The following TFDP2 variants were observed in gnomAD, a reference collection of about 807,000 sequenced individuals.
The protein encoded by TFDP2 is transcription factor Dp-2, also known as transcription factor Dp-2 (E2F dimerization partner 2).
TFDP2 carries 17 observed loss-of-function variants against 59.3 expected under a neutral mutation model. The ratio of observed to expected loss-of-function variants is 0.29; its 90% CI spans 0.20 to 0.43. The LOEUF is 0.43. TFDP2 is among the 20% of genes least tolerant of loss of function. The pLI is 1.00. For synonymous variants in TFDP2, 180 were observed against 194.7 expected (o/e 0.92, Z 0.63); for missense variants, 391 against 528.8 (o/e 0.74, Z 2.56).
At chr3:142,002,321 T>TG (rs1202244219) in intron 4 of TFDP2, among the ~76,000 whole-genome samples, 28 of 146,780 alleles carry the variant, frequency 1.9e-4, no homozygotes, top group African/African-American at 7.0e-4. Flanking sequence ...TTTAGTGTTT[T>TG]TTTTTTTTTT....
chr3:142,085,693 G>T (rs2060790846), intron 3 of TFDP2, among the ~76,000 whole-genome samples: 1 of 152,108 alleles, frequency 6.6e-6, no homozygotes, highest in Admixed American at 6.6e-5. Context: ...CTTAAAAAAA[G>T]AGCTCTTCAG....
At chr3:142,046,426 C>T (rs1223004152) in intron 3 of TFDP2, among the ~76,000 whole-genome samples, 1 of 152,166 alleles carries the variant, frequency 6.6e-6, no homozygotes, top group East Asian at 1.9e-4. Context: ...CCCTTCTCAC[C>T]ACTACCTTCA....
At chr3:141,962,140 C>G (rs543348396) in intron 10 of TFDP2, among the ~76,000 whole-genome samples, 1 of 151,936 alleles carries the variant, frequency 6.6e-6, no homozygotes, top group Non-Finnish European at 1.5e-5. Context: ...CACAGGGTTT[C>G]ACCATGTTGG....
chr3:142,109,054 A>C (rs1297115725), intron 1 of TFDP2, among the ~76,000 whole-genome samples: 1 of 152,122 alleles, frequency 6.6e-6, no homozygotes, highest in Non-Finnish European at 1.5e-5. Context: ...TTGTCTATTT[A>C]TTTCTGTGAT....
rs528506866 is a variant in TFDP2, at chr3:141,978,082, C to T, written c.519+438G>A. 2.6e-5 allele frequency among the ~76,000 whole-genome samples: 4 copies of T among 151,202 alleles called. No homozygotes were observed. In the East Asian group the frequency reaches 5.9e-4, roughly 22 times the overall value. On this transcript the variant is annotated intron_variant, in intron 7 of 12. Coordinates refer to ENST00000489671, the MANE Select transcript of TFDP2 (RefSeq NM_001178139.2). ...AACTAAGGCTGGGTACAGTGGCTCA[C>T]GCCTGTAATCCCAGCACTTTGGAAG...
chr3:142,141,985 A>G (rs1361235584), intron 1 of TFDP2, among the ~76,000 whole-genome samples: 1 of 152,214 alleles, frequency 6.6e-6, no homozygotes, highest in Non-Finnish European at 1.5e-5. Context: ...ACCCACAGCT[A>G]GTATCATACT....
In TFDP2 at chr3:141,949,827, T is replaced by TTTTTTGG. The variant is rs1477227200; in HGVS notation, c.*2685_*2686insCCAAAAA. On this transcript the variant is annotated 3_prime_UTR_variant, in exon 13 of 13. Coordinates refer to ENST00000489671, the MANE Select transcript of TFDP2 (RefSeq NM_001178139.2). ...CTTCCATTTTTTTTTTTTTTTTTTT[T>TTTTTTGG]GAGACAGGGTCTTGCTCTGTCACCC... 1 of 150,774 alleles carries TTTTTTGG rather than the reference T, an allele frequency of 6.6e-6. No homozygotes were observed. The highest frequency in any genetic ancestry group is 2.5e-5 in the African/African-American group (1 of 40,098). The allele number at this position is 150,774 out of a possible 1,614,324, so 9.3% of individuals were successfully genotyped here. A position where few individuals can be genotyped will look rare whatever the true frequency, so the allele number is the denominator to read the frequency against.
At chr3:142,103,281 C>A (rs1479766753) in intron 1 of TFDP2, among the ~76,000 whole-genome samples, 1 of 151,420 alleles carries the variant, frequency 6.6e-6, no homozygotes, top group African/African-American at 2.4e-5. Context: ...AGACTAAAAA[C>A]ATATGAAAAC....
intron 1 of TFDP2, among the ~76,000 whole-genome samples, chr3:142,135,898 A>G (rs1433306563): frequency 6.6e-6 from 1 of 152,124 alleles, no homozygotes; most frequent in Non-Finnish European, 1.5e-5. Flanking sequence ...AGCATGATTT[A>G]TAATCCTTTG....
intron 6 of TFDP2, among the ~76,000 whole-genome samples, chr3:141,990,037 G>A (rs1331084053): frequency 4.0e-5 from 6 of 151,778 alleles, no homozygotes; most frequent in Non-Finnish European, 7.4e-5. Context: ...GGGATTACAG[G>A]CATGTGCCAC....
At chr3:141,998,952 G>T (rs114335916) in intron 4 of TFDP2, among the ~76,000 whole-genome samples, 4 of 152,256 alleles carry the variant, frequency 2.6e-5, no homozygotes, top group South Asian at 2.1e-4. Context: ...TATATTAAGA[G>T]ATTTCACTAT....
At chr3:142,140,812 G>A (rs535006371) in intron 1 of TFDP2, among the ~76,000 whole-genome samples, 2 of 152,316 alleles carry the variant, frequency 1.3e-5, no homozygotes, top group Non-Finnish European at 1.5e-5. Flanking sequence ...CTACTGGGAG[G>A]TGTCTCCCAG....
intron 3 of TFDP2, among the ~76,000 whole-genome samples, chr3:142,073,472 C>CCCCCCA (rs1553796689): frequency 3.8e-5 from 2 of 52,500 alleles, no homozygotes; most frequent in Admixed American, 2.3e-4. Context: ...CCCCCCCCCG[C>CCCCCCA]AAAAAAAAAA....
At chr3:142,096,186 T>C (rs1289389494) in intron 2 of TFDP2, among the ~76,000 whole-genome samples, 1 of 152,214 alleles carries the variant, frequency 6.6e-6, no homozygotes, top group East Asian at 1.9e-4. Flanking sequence ...ATGCTAATCT[T>C]AGTCTCATAG....
At chr3:142,131,337 A>G (rs2062495572) in intron 1 of TFDP2, among the ~76,000 whole-genome samples, 2 of 150,208 alleles carry the variant, frequency 1.3e-5, no homozygotes, top group South Asian at 4.1e-4. Flanking sequence ...TTTTACAAGG[A>G]GAAACTAAGA....
chr3:141,955,822 T>G (rs918277800), intron 11 of TFDP2, among the ~76,000 whole-genome samples: 2 of 152,174 alleles, frequency 1.3e-5, no homozygotes, highest in Non-Finnish European at 2.9e-5. Context: ...ATTTCTTTTT[T>G]TAAAAGACAG....
chr3:142,136,226 C>T (rs1463948055), intron 1 of TFDP2, among the ~76,000 whole-genome samples: 1 of 152,020 alleles, frequency 6.6e-6, no homozygotes, highest in African/African-American at 2.4e-5. Context: ...TGTTCATATC[C>T]TTTGCCCACT....
intron 1 of TFDP2, among the ~76,000 whole-genome samples, chr3:142,112,903 A>ATATG (rs2061710133): frequency 6.6e-6 from 1 of 152,228 alleles, no homozygotes; most frequent in African/African-American, 2.4e-5. Context: ...CAGATTATCA[A>ATATG]TATGTATTAT....
intron 11 of TFDP2, among the ~76,000 whole-genome samples, chr3:141,955,287 C>T (rs1178983320): frequency 6.6e-6 from 1 of 152,196 alleles, no homozygotes; most frequent in Non-Finnish European, 1.5e-5. Flanking sequence ...CATGTTTCTT[C>T]CTTTGAACTA....
Sources: allele counts gnomAD v4.1 joint callset (sites outside exome capture counted in the v4.1 genomes callset), GRCh38; gene constraint gnomAD v4.1.1; transcripts MANE v1.5; gene names NCBI Gene and HGNC (gene_info 2026-07-23, HGNC 2026-07-21).